Variants in DPEP2NB observed in about 807,000 individuals in gnomAD.
DPEP2NB encodes the protein DPEP2 neighbor, also known as DPEP2 neighbor protein.
For missense variants in DPEP2NB, 117 were observed against 151.8 expected (o/e 0.77, Z 1.21); for synonymous variants, 35 against 55.3 (o/e 0.63, Z 1.63).
chr16:68,014,100 C>A lies in DPEP2NB; in HGVS notation c.*8G>T. Reference sequence around the variant, plus strand: ...ACAGCTAAACATTTGTCCTTTCTCCCAAATGGCTCAGCCAGCAAGCTTCTG... The same window carrying A: ...ACAGCTAAACATTTGTCCTTTCTCCAAAATGGCTCAGCCAGCAAGCTTCTG... On this transcript the variant is annotated 3_prime_UTR_variant, in exon 2 of 2. Transcript: ENST00000574912. The A allele has an allele frequency of 8.1e-7, 1 of 1,231,762 alleles. No individual in the cohort carries two copies. The highest frequency in any genetic ancestry group is 1.0e-6 in the Non-Finnish European group (1 of 987,994). The allele number at this position is 1,231,762 out of a possible 1,614,324, so 76.3% of individuals were successfully genotyped here. A position where few individuals can be genotyped will look rare whatever the true frequency, so the allele number is the denominator to read the frequency against.
At chr16:68,014,450 A>G (rs2033153979) in intron 1 of DPEP2NB, 38 bp from the exon 2 acceptor site, 4 of 1,215,274 alleles carry the variant, frequency 3.3e-6, no homozygotes, top group Non-Finnish European at 4.1e-6. Context: ...TTTACCTTAT[A>G]CATTGTGCTG....
rs1048296282 is a variant in DPEP2NB at position 68,014,134 on chromosome 16, G to T, written c.346C>A (p.Leu116Met). 5.7e-6 allele frequency: 7 copies of T among 1,231,706 alleles called. No individual in the cohort carries two copies. The highest frequency in any genetic ancestry group is 6.1e-6 in the Non-Finnish European group (6 of 988,032). 76.3% of individuals were successfully genotyped at this position (1,231,706 alleles called of 1,614,324 possible). The change falls in exon 2 of 2, where the codon CTG (leucine) becomes ATG (methionine). Residue 116 changes from leucine (L) to methionine (M), a missense_variant. By Grantham distance (15) the Leu-to-Met change is conservative (BLOSUM62 2). Coordinates refer to ENST00000574912, the MANE Select transcript of DPEP2NB (RefSeq NM_001282442.2). ...IRRLEHRGRR[L>M]TPQKLAG The stretch of plus-strand genomic sequence containing the variant: ...CAGCCAGCAAGCTTCTGTGGGGTCA[G>T]TCTCCTGCCACGATGCTCCAAGCGC...
chr16:68,015,235 G>A (rs545439338), intron 1 of DPEP2NB, among the ~76,000 whole-genome samples: 1 of 150,790 alleles, frequency 6.6e-6, no homozygotes, highest in African/African-American at 2.4e-5. Flanking sequence ...CTACTAAAAA[G>A]AGAAAAAATT....
At chr16:68,015,518 C>T (rs1470011142) in intron 1 of DPEP2NB, among the ~76,000 whole-genome samples, 186 bp downstream of exon 1, 1 of 144,354 alleles carries the variant, frequency 6.9e-6, no homozygotes, top group East Asian at 2.2e-4. Flanking sequence ...TGACATTTCA[C>T]TTGCCCTTAG....
intron 1 of DPEP2NB, among the ~76,000 whole-genome samples, chr16:68,015,023 GA>G (rs1199748897): frequency 2.0e-5 from 3 of 151,872 alleles, no homozygotes; most frequent in African/African-American, 7.2e-5. Flanking sequence ...AAAAGAAAAA[GA>G]AAAAAAGGAT....
Position 68,014,335 on chromosome 16 carries a change from C to A in DPEP2NB, c.145G>T (p.Gly49Cys). 1 of 1,231,816 alleles carries A rather than the reference C, an allele frequency of 8.1e-7. No homozygotes were observed. Among genetic ancestry groups the A allele is most frequent in the Non-Finnish European group, 1.0e-6 (1 of 988,010 alleles). The allele number at this position is 1,231,816 out of a possible 1,614,324, so 76.3% of individuals were successfully genotyped here. A position where few individuals can be genotyped will look rare whatever the true frequency, so the allele number is the denominator to read the frequency against. The change falls in exon 2 of 2, where the codon GGC (glycine) becomes TGC (cysteine). Residue 49 changes from glycine to cysteine, a missense_variant. Transcript: ENST00000574912. ...LYRGCGETQV[G>C]WHGETYCLVG... is the part of the protein sequence containing the mutation. ...AGGCAGTACGTCTCCCCATGCCAGC[C>A]TACCTGAGTTTCTCCACACCCTCGG... is the stretch of plus-strand genomic sequence containing the variant.
intron 1 of DPEP2NB, among the ~76,000 whole-genome samples, chr16:68,015,387 C>CAA (rs1169099685): frequency 0.024 from 574 of 23,588 alleles, 28 homozygotes; most frequent in Middle Eastern, 0.042. Flanking sequence ...GAACCTGTCT[C>CAA]AAAAAAAAAA....
Position 68,014,014 on chromosome 16 carries a change from A to T in DPEP2NB, c.*94T>A. 1.0e-6 allele frequency: 1 copy of T among 986,146 alleles called. No individual in the cohort carries two copies. The highest frequency in any genetic ancestry group is 1.3e-6 in the Non-Finnish European group (1 of 764,364). 61.1% of individuals were successfully genotyped at this position (986,146 alleles called of 1,614,324 possible). A position where few individuals can be genotyped will look rare whatever the true frequency, so the allele number is the denominator to read the frequency against. ...GAGGAAGGCATAGGCAGAATGACTC[A>T]GGCTCTATCTGCAGTGGTGGGCAGG... On this transcript the variant is annotated 3_prime_UTR_variant, in exon 2 of 2. Transcript: ENST00000574912.
intron 1 of DPEP2NB, among the ~76,000 whole-genome samples, chr16:68,015,292 C>T (rs758779132): frequency 1.4e-5 from 2 of 146,242 alleles, no homozygotes; most frequent in South Asian, 2.1e-4. Context: ...ACTAGGGAGA[C>T]GAGTTGGGAG....
Position 68,015,880 on chromosome 16 carries a change from AGGT to A in DPEP2NB, c.-113_-111del. Reference sequence around the variant, plus strand: ...GCCATGGAAACTTTGGAAGCTTGTGAGGTCATCACTACCCTGTGAAGTCACCTA... The same window carrying A: ...GCCATGGAAACTTTGGAAGCTTGTGACATCACTACCCTGTGAAGTCACCTA... On this transcript the variant is annotated 5_prime_UTR_variant, in exon 1 of 2. Transcript: ENST00000574912. 7 of 468,270 alleles carry A rather than the reference AGGT, an allele frequency of 1.5e-5. No individual in the cohort carries two copies. Among genetic ancestry groups the A allele is most frequent in the Non-Finnish European group, 2.4e-5 (7 of 291,266 alleles). 29.0% of individuals were successfully genotyped at this position (468,270 alleles called of 1,614,324 possible).
intron 1 of DPEP2NB, 87 bp downstream of exon 1, chr16:68,015,617 G>T: frequency 1.3e-6 from 1 of 744,536 alleles, no homozygotes; most frequent in Non-Finnish European, 1.8e-6. Context: ...CTCGAGGTGT[G>T]GTGGGCCAGC....
rs368125952 is a variant in DPEP2NB at position 68,014,049 on chromosome 16, C to T, written c.*59G>A. The T allele has an allele frequency of 4.1e-5, 49 of 1,204,474 alleles. No individual in the cohort carries two copies. The highest frequency in any genetic ancestry group is 3.2e-4 in the Middle Eastern group (1 of 3,158). 74.6% of individuals were successfully genotyped at this position (1,204,474 alleles called of 1,614,324 possible). ...TGCAGTGGTGGGCAGGGGAGGTCACCGCAGAAGAGGCATTAGCTGTCTTAG... is the reference window on the plus strand; with the variant it reads ...TGCAGTGGTGGGCAGGGGAGGTCACTGCAGAAGAGGCATTAGCTGTCTTAG... On this transcript the variant is annotated 3_prime_UTR_variant, in exon 2 of 2. Coordinates refer to ENST00000574912, the MANE Select transcript of DPEP2NB (RefSeq NM_001282442.2).
At chr16:68,014,580 G>A (rs1193004099) in intron 1 of DPEP2NB, among the ~76,000 whole-genome samples, 168 bp from the exon 2 acceptor site, 3 of 152,166 alleles carry the variant, frequency 2.0e-5, no homozygotes, top group Admixed American at 1.3e-4. Context: ...GGCTGTGAAA[G>A]CAGTTATGTG....
At position 68,014,160 on chromosome 16, in the gene DPEP2NB, C is replaced by T. The variant is rs1380627689; in HGVS notation, c.320G>A (p.Arg107Gln). ...KDLGCSSPKI[R>Q]RLEHRGRRLT... is the part of the protein sequence containing the mutation. ...TCTCCTGCCACGATGCTCCAAGCGC[C>T]GAATTTTGGGGCTAGAGCAACCCAG... The change falls in exon 2 of 2, where the codon CGG (arginine) becomes CAG (glutamine). Residue 107 changes from arginine (R) to glutamine (Q), a missense_variant. Physicochemically the swap from Arg to Gln is conservative, Grantham distance 43 (BLOSUM62 1). Coordinates refer to ENST00000574912, the MANE Select transcript of DPEP2NB (RefSeq NM_001282442.2). 6 of 1,231,634 alleles carry T rather than the reference C, an allele frequency of 4.9e-6. No individual in the cohort carries two copies. The highest frequency in any genetic ancestry group is 3.2e-5 in the East Asian group (1 of 31,720). 76.3% of individuals were successfully genotyped at this position (1,231,634 alleles called of 1,614,324 possible).
Position 68,013,995 on chromosome 16 carries a change from G to T in DPEP2NB, c.*113C>A. On this transcript the variant is annotated 3_prime_UTR_variant, in exon 2 of 2. Transcript: ENST00000574912. ...TGGAAGGGGGCTTCTGGATGAGGAA[G>T]GCATAGGCAGAATGACTCAGGCTCT... 1 of 815,590 alleles carries T rather than the reference G, an allele frequency of 1.2e-6. No individual in the cohort carries two copies. Among genetic ancestry groups the T allele is most frequent in the Non-Finnish European group, 1.6e-6 (1 of 608,314 alleles). 50.5% of individuals were successfully genotyped at this position (815,590 alleles called of 1,614,324 possible).
chr16:68,014,398 T>C lies in DPEP2NB; in HGVS notation c.82A>G (p.Thr28Ala). ...TAGTGCCCAGGTGTGGGAGGAGAAGTGGCAGGCACTGCAGCTGGAAAGAAA... is the reference window on the plus strand; with the variant it reads ...TAGTGCCCAGGTGTGGGAGGAGAAGCGGCAGGCACTGCAGCTGGAAAGAAA... Reference protein sequence around the residue: ...EGSAAAAVPATSPPTPGHYHV... With the variant: ...EGSAAAAVPAASPPTPGHYHV... Residue 28 changes from threonine to alanine, a missense_variant, in exon 2 of 2, where the codon ACT becomes GCT. Transcript: ENST00000574912. 8.1e-7 allele frequency: 1 copy of C among 1,231,864 alleles called. No individual in the cohort carries two copies. Among genetic ancestry groups the C allele is most frequent in the Non-Finnish European group, 1.0e-6 (1 of 988,054 alleles). 76.3% of individuals were successfully genotyped at this position (1,231,864 alleles called of 1,614,324 possible). A position where few individuals can be genotyped will look rare whatever the true frequency, so the allele number is the denominator to read the frequency against.
chr16:68,014,198 C>A lies in DPEP2NB; in HGVS notation c.282G>T (p.Glu94Asp), dbSNP rs2033151222. ...TAGAGCAACCCAGGTCTTTATCTGACTCTATCGTAGCTTGACGTCTCTTGG... is the reference window on the plus strand; with the variant it reads ...TAGAGCAACCCAGGTCTTTATCTGAATCTATCGTAGCTTGACGTCTCTTGG... ...RAPKRRQATI[E>D]SDKDLGCSSP... The change falls in exon 2 of 2, where the codon GAG (glutamate) becomes GAT (aspartate). Residue 94 changes from glutamate to aspartate, a missense_variant. By Grantham distance (45) the Glu-to-Asp change is conservative. Coordinates refer to ENST00000574912, the MANE Select transcript of DPEP2NB (RefSeq NM_001282442.2). 8.1e-7 allele frequency: 1 copy of A among 1,231,650 alleles called. No homozygotes were observed. The highest frequency in any genetic ancestry group is 1.0e-6 in the Non-Finnish European group (1 of 988,004). The allele number at this position is 1,231,650 out of a possible 1,614,324, so 76.3% of individuals were successfully genotyped here. A position where few individuals can be genotyped will look rare whatever the true frequency, so the allele number is the denominator to read the frequency against.
Position 68,015,835 on chromosome 16 carries a change from C to T in DPEP2NB, c.-65G>A, listed in dbSNP as rs185487506. 1.2e-4 allele frequency: 111 copies of T among 896,026 alleles called. No homozygotes were observed. In the East Asian group the frequency reaches 3.4e-3, roughly 27 times the overall value. 55.5% of individuals were successfully genotyped at this position (896,026 alleles called of 1,614,324 possible). The stretch of plus-strand genomic sequence containing the variant: ...AAATGGTAGGGAGGCTTCTCTAGGA[C>T]GCAGGTGTGTAGTCACGCTGCCATG... On this transcript the variant is annotated 5_prime_UTR_variant, in exon 1 of 2. Transcript: ENST00000574912.
At position 68,014,229 on chromosome 16, in the gene DPEP2NB, C is replaced by T. The variant is rs997193578; in HGVS notation, c.251G>A (p.Arg84His). The change falls in exon 2 of 2, where the codon CGT (arginine) becomes CAT (histidine). Residue 84 changes from arginine to histidine, a missense_variant. Physicochemically the swap from Arg to His is conservative, Grantham distance 29 (BLOSUM62 0). Coordinates refer to ENST00000574912, the MANE Select transcript of DPEP2NB (RefSeq NM_001282442.2). ...CGTAGCTTGACGTCTCTTGGGAGCACGCCTGGGGGCTGGCTTCTCTGCTTC... is the reference window on the plus strand; with the variant it reads ...CGTAGCTTGACGTCTCTTGGGAGCATGCCTGGGGGCTGGCTTCTCTGCTTC... ...KAEAEKPAPR[R>H]APKRRQATIE... 6.0e-5 allele frequency: 74 copies of T among 1,231,706 alleles called. No individual in the cohort carries two copies. Among genetic ancestry groups the T allele is most frequent in the Non-Finnish European group, 6.0e-5 (59 of 987,992 alleles). 76.3% of individuals were successfully genotyped at this position (1,231,706 alleles called of 1,614,324 possible).
Sources: gnomAD v4.1 joint callset for allele counts (sites outside exome capture counted in the v4.1 genomes callset) on GRCh38, gnomAD v4.1.1 for gene constraint, MANE v1.5 for transcripts, NCBI Gene and HGNC (gene_info 2026-07-23, HGNC 2026-07-21) for gene names.